The following BBS9 variants were observed in gnomAD, a reference collection of about 807,000 sequenced individuals.
BBS9 encodes the protein protein PTHB1.
Under a neutral mutation model 117.7 loss-of-function variants are expected in BBS9, and 89 were observed. That is an observed-to-expected ratio of 0.76 (90% CI 0.64 to 0.90). BBS9 has a LOEUF of 0.90. Among genes scored for constraint, BBS9 ranks in the 40% least tolerant of loss-of-function variants. The pLI is 0.00. For synonymous variants in BBS9, 379 were observed against 370.9 expected (o/e 1.02, Z -0.25); for missense variants, 982 against 1,042.2 (o/e 0.94, Z 0.80).
intron 9 of BBS9, among the ~76,000 whole-genome samples, chr7:33,289,834 G>T (rs1212643453): frequency 6.6e-6 from 1 of 152,120 alleles, no homozygotes; most frequent in Admixed American, 6.5e-5. Flanking sequence ...ACTAGGTCAA[G>T]AGATCAGGAC....
At chr7:33,191,719 G>C (rs7808112) in intron 5 of BBS9, among the ~76,000 whole-genome samples, 46,128 of 152,050 alleles carry the variant, frequency 0.3, 7,167 homozygotes, top group African/African-American at 0.33. Flanking sequence ...ATTTAATTGA[G>C]TGCTTTGCAA....
intron 19 of BBS9, among the ~76,000 whole-genome samples, chr7:33,455,239 G>A (rs949584063): frequency 6.0e-4 from 52 of 86,322 alleles, no homozygotes; most frequent in African/African-American, 2.8e-3. Context: ...GGACGTGATG[G>A]TGGTACCTCA....
chr7:33,133,993 GT>G (rs1790034326), intron 1 of BBS9, among the ~76,000 whole-genome samples: 1 of 152,124 alleles, frequency 6.6e-6, no homozygotes, highest in Non-Finnish European at 1.5e-5. Flanking sequence ...TTCTGTCATA[GT>G]AGGTGTGAAG....
intron 20 of BBS9, among the ~76,000 whole-genome samples, chr7:33,517,106 T>C (rs1056877840): frequency 6.6e-6 from 1 of 152,250 alleles, no homozygotes; most frequent in African/African-American, 2.4e-5. Flanking sequence ...TGAACTTCAC[T>C]AACTAGATTT....
intron 9 of BBS9, among the ~76,000 whole-genome samples, chr7:33,335,215 C>T (rs1049749721): frequency 2.0e-5 from 3 of 151,804 alleles, no homozygotes; most frequent in African/African-American, 7.2e-5. Context: ...TAAACATCTT[C>T]TTTTCTCTCA....
intron 17 of BBS9, among the ~76,000 whole-genome samples, chr7:33,369,189 TAGTTTAACAG>T (rs1297316739): frequency 6.6e-6 from 1 of 152,198 alleles, no homozygotes; most frequent in East Asian, 1.9e-4. Flanking sequence ...GCATTTCTCT[TAGTTTAACAG>T]TTATCCTTGG....
At chr7:33,415,385 A>T (rs1272411026) in intron 19 of BBS9, among the ~76,000 whole-genome samples, 7 of 152,160 alleles carry the variant, frequency 4.6e-5, no homozygotes, top group Non-Finnish European at 1.0e-4. Flanking sequence ...AACTAGATGA[A>T]AATACTTAAA....
intron 5 of BBS9, among the ~76,000 whole-genome samples, chr7:33,228,528 T>A (rs1171331663): frequency 6.6e-6 from 1 of 152,136 alleles, no homozygotes; most frequent in East Asian, 1.9e-4. Context: ...TGCTGACCCC[T>A]CCTTTAAGTC....
intron 15 of BBS9, among the ~76,000 whole-genome samples, chr7:33,354,746 T>C (rs1327458557): frequency 6.6e-6 from 1 of 152,072 alleles, no homozygotes; most frequent in Non-Finnish European, 1.5e-5. Flanking sequence ...GTGCCAGATG[T>C]AATTAGAAGT....
chr7:33,227,066 A>G (rs1416961730), intron 5 of BBS9, among the ~76,000 whole-genome samples: 2 of 152,198 alleles, frequency 1.3e-5, no homozygotes, highest in East Asian at 1.9e-4. Flanking sequence ...TTTAAAAACC[A>G]CATAGCACCA....
At chr7:33,317,812 G>A (rs1810854018) in intron 9 of BBS9, among the ~76,000 whole-genome samples, 1 of 152,190 alleles carries the variant, frequency 6.6e-6, no homozygotes, top group Non-Finnish European at 1.5e-5. Flanking sequence ...AGCACTTTGG[G>A]AGGACAAAGA....
chr7:33,417,060 A>G (rs983252889), intron 19 of BBS9, among the ~76,000 whole-genome samples: 10 of 152,234 alleles, frequency 6.6e-5, no homozygotes, highest in Non-Finnish European at 1.5e-4. Flanking sequence ...AGTTAGGAAG[A>G]TGAGATATGC....
At chr7:33,284,837 A>T (rs967155749) in intron 9 of BBS9, among the ~76,000 whole-genome samples, 3 of 152,072 alleles carry the variant, frequency 2.0e-5, no homozygotes, top group Non-Finnish European at 4.4e-5. Flanking sequence ...TCTACAGTGG[A>T]AGATTTTTTT....
chr7:33,137,843 A>T (rs1034697731), intron 1 of BBS9, among the ~76,000 whole-genome samples: 1 of 152,200 alleles, frequency 6.6e-6, no homozygotes, highest in Admixed American at 6.5e-5. Context: ...CAAACATACA[A>T]GATGTTTATG....
At chr7:33,462,979 CAGT>C (rs1450129221) in intron 19 of BBS9, among the ~76,000 whole-genome samples, 1 of 152,040 alleles carries the variant, frequency 6.6e-6, no homozygotes. Flanking sequence ...GGACTTAGGA[CAGT>C]AGGGACAAGC....
intron 21 of BBS9, among the ~76,000 whole-genome samples, chr7:33,622,517 G>A (rs188060264): frequency 1.6e-4 from 24 of 152,066 alleles, no homozygotes; most frequent in East Asian, 1.9e-4. Context: ...ATTTCACAGC[G>A]TATACACATT....
At chr7:33,191,495 C>T (rs1784110148) in intron 5 of BBS9, among the ~76,000 whole-genome samples, 1 of 152,158 alleles carries the variant, frequency 6.6e-6, no homozygotes, top group Non-Finnish European at 1.5e-5. Flanking sequence ...TCTCCTAGGA[C>T]CTCCCTGTGG....
At chr7:33,585,190 G>T (rs1419380438) in intron 21 of BBS9, among the ~76,000 whole-genome samples, 1 of 152,042 alleles carries the variant, frequency 6.6e-6, no homozygotes, top group African/African-American at 2.4e-5. Flanking sequence ...CAGTCTCAGG[G>T]TCTATCTTCA....
chr7:33,332,003 TA>T (rs1286777989), intron 9 of BBS9, among the ~76,000 whole-genome samples: 1 of 152,124 alleles, frequency 6.6e-6, no homozygotes, highest in Non-Finnish European at 1.5e-5. Flanking sequence ...AAAGCAATAC[TA>T]AGCAAAAAGA....
Sources: allele counts gnomAD v4.1 joint callset (sites outside exome capture counted in the v4.1 genomes callset), GRCh38; gene constraint gnomAD v4.1.1; transcripts MANE v1.5; gene names NCBI Gene and HGNC (gene_info 2026-07-23, HGNC 2026-07-21).